ADAMTS3: variants seen among roughly 807,000 people sequenced by gnomAD.
ADAMTS3 encodes the protein ADAM metallopeptidase with thrombospondin type 1 motif 3, also known as A disintegrin and metalloproteinase with thrombospondin motifs 3.
ADAMTS3 carries 73 observed loss-of-function variants against 129.0 expected under a neutral mutation model. That is an observed-to-expected ratio of 0.57 (90% CI 0.47 to 0.69). The LOEUF is 0.69. ADAMTS3 is among the 30% of genes least tolerant of loss of function. ADAMTS3 has a pLI of 0.00. For synonymous variants in ADAMTS3, 477 were observed against 510.8 expected, an observed-to-expected ratio of 0.93 and a Z score of 0.89; for missense variants, 1,457 against 1,514.5, an observed-to-expected ratio of 0.96 and a Z score of 0.63.
At chr4:72,317,765 C>T (rs554362880) in intron 10 of ADAMTS3, among the ~76,000 whole-genome samples, 10 of 152,184 alleles carry the variant, frequency 6.6e-5, no homozygotes, top group African/African-American at 9.6e-5. Flanking sequence ...CAGTGGCTCA[C>T]GCCTGTAATC....
intron 3 of ADAMTS3, among the ~76,000 whole-genome samples, chr4:72,449,842 C>G (rs758875872): frequency 4.0e-5 from 6 of 151,842 alleles, no homozygotes; most frequent in Non-Finnish European, 7.4e-5. Flanking sequence ...CCCTTAGTTT[C>G]TCCACATCTG....
intron 4 of ADAMTS3, among the ~76,000 whole-genome samples, chr4:72,360,975 C>T (rs776174337): frequency 6.6e-6 from 1 of 152,046 alleles, no homozygotes; most frequent in Admixed American, 6.6e-5. Flanking sequence ...GTTCTGGAAA[C>T]TGCTCTACAG....
At chr4:72,428,409 A>G (rs1018360131) in intron 3 of ADAMTS3, among the ~76,000 whole-genome samples, 6 of 152,074 alleles carry the variant, frequency 3.9e-5, no homozygotes, top group Non-Finnish European at 7.4e-5. Flanking sequence ...TTCCTTAGTC[A>G]TGATGAGGTT....
At chr4:72,417,596 G>A (rs535356005) in intron 3 of ADAMTS3, among the ~76,000 whole-genome samples, 11 of 152,108 alleles carry the variant, frequency 7.2e-5, no homozygotes, top group Admixed American at 6.5e-4. Flanking sequence ...CTGAAAGTCG[G>A]CCCTTTTATT....
chr4:72,303,762 AAG>A (rs1236080563), intron 17 of ADAMTS3, among the ~76,000 whole-genome samples, 153 bp downstream of exon 17: 1 of 152,168 alleles, frequency 6.6e-6, no homozygotes, highest in Non-Finnish European at 1.5e-5. Flanking sequence ...ATATTGCACA[AAG>A]AGTGGGGGGA....
At chr4:72,507,358 A>G (rs1204667821) in intron 3 of ADAMTS3, among the ~76,000 whole-genome samples, 2 of 152,020 alleles carry the variant, frequency 1.3e-5, no homozygotes, top group African/African-American at 4.8e-5. Context: ...AACTCAATCC[A>G]AGATTGTACA....
intron 4 of ADAMTS3, among the ~76,000 whole-genome samples, chr4:72,364,302 A>G (rs1023493254): frequency 6.6e-6 from 1 of 152,180 alleles, no homozygotes; most frequent in Non-Finnish European, 1.5e-5. Context: ...CAAAGATTTT[A>G]AAGAGTATTA....
intron 17 of ADAMTS3, among the ~76,000 whole-genome samples, chr4:72,300,035 T>C (rs1234798745): frequency 6.6e-6 from 1 of 152,174 alleles, no homozygotes; most frequent in East Asian, 1.9e-4. Flanking sequence ...AACTACCTTT[T>C]GTTTGAGAAA....
At chr4:72,513,156 G>A (rs928113083) in intron 3 of ADAMTS3, among the ~76,000 whole-genome samples, 1 of 152,138 alleles carries the variant, frequency 6.6e-6, no homozygotes, top group African/African-American at 2.4e-5. Context: ...ATCTCTGCCT[G>A]CACATCCTGT....
chr4:72,513,626 A>G (rs1381668909), intron 3 of ADAMTS3, among the ~76,000 whole-genome samples: 4 of 152,156 alleles, frequency 2.6e-5, no homozygotes, highest in Non-Finnish European at 4.4e-5. Context: ...TGTCACATCC[A>G]TATGTTTACT....
At chr4:72,370,572 A>G in intron 4 of ADAMTS3, among the ~76,000 whole-genome samples, 1 of 152,006 alleles carries the variant, frequency 6.6e-6, no homozygotes, top group East Asian at 1.9e-4. Flanking sequence ...ACATGGCGAA[A>G]TCCCATCTCT....
chr4:72,546,129 C>A (rs1305297632), intron 3 of ADAMTS3, among the ~76,000 whole-genome samples: 2 of 152,106 alleles, frequency 1.3e-5, no homozygotes, highest in East Asian at 3.9e-4. Context: ...TTGCAGCTGC[C>A]CACAAAGACT....
In ADAMTS3 at chr4:72,378,652, T is replaced by A. The variant is rs183993861; in HGVS notation, c.661+36163A>T. ...TCACCATCAACATGACTTGAATTTT[T>A]TTTTTTTGCAGTCACAGAAGTTATA... On this transcript the variant is annotated intron_variant, in intron 4 of 21. Coordinates refer to ENST00000286657, the MANE Select transcript of ADAMTS3 (RefSeq NM_014243.3). Among the ~76,000 whole-genome samples, 406 of 152,250 alleles carry A rather than the reference T, an allele frequency of 2.7e-3. 1 individual carries two copies. Among genetic ancestry groups the A allele is most frequent in the African/African-American group, 9.6e-3 (400 of 41,556 alleles).
chr4:72,383,344 G>A (rs566192998), intron 4 of ADAMTS3, among the ~76,000 whole-genome samples: 114 of 152,292 alleles, frequency 7.5e-4, no homozygotes, highest in African/African-American at 2.7e-3. Context: ...ACGACACATG[G>A]GTGAGTTTTC....
chr4:72,434,769 G>A (rs912336606), intron 3 of ADAMTS3, among the ~76,000 whole-genome samples: 5 of 151,862 alleles, frequency 3.3e-5, no homozygotes, highest in Non-Finnish European at 7.4e-5. Flanking sequence ...GACTTCAGCA[G>A]GTGAGAGCTC....
At chr4:72,375,987 G>A (rs1389592390) in intron 4 of ADAMTS3, among the ~76,000 whole-genome samples, 2 of 152,140 alleles carry the variant, frequency 1.3e-5, no homozygotes, top group Admixed American at 1.3e-4. Context: ...TGGAGAAGAA[G>A]AAAAGGGCAA....
chr4:72,532,163 G>A (rs1240854437), intron 3 of ADAMTS3, among the ~76,000 whole-genome samples: 1 of 152,116 alleles, frequency 6.6e-6, no homozygotes, highest in African/African-American at 2.4e-5. Context: ...GAGTTTTAGG[G>A]TCTGTCAGTA....
chr4:72,443,460 A>T (rs1718171004), intron 3 of ADAMTS3, among the ~76,000 whole-genome samples: 1 of 151,710 alleles, frequency 6.6e-6, no homozygotes. Flanking sequence ...CACCTAGACA[A>T]TTACCTGATT....
intron 3 of ADAMTS3, among the ~76,000 whole-genome samples, chr4:72,436,862 G>T (rs1371043787): frequency 2.0e-5 from 3 of 151,970 alleles, no homozygotes; most frequent in East Asian, 2.0e-4. Flanking sequence ...GTTGTGGGGT[G>T]GGGGGAGTGG....
Sources: gnomAD v4.1 joint callset for allele counts (sites outside exome capture counted in the v4.1 genomes callset) on GRCh38, gnomAD v4.1.1 for gene constraint, MANE v1.5 for transcripts, NCBI Gene and HGNC (gene_info 2026-07-23, HGNC 2026-07-21) for gene names.